CNTN5: variants seen among roughly 807,000 people sequenced by gnomAD.
CNTN5 encodes contactin 5.
A neutral mutation model predicts 129.1 loss-of-function variants in CNTN5; 77 were observed. The observed-to-expected ratio is 0.60, with a 90% CI of 0.50 to 0.72. The LOEUF (loss-of-function observed/expected upper bound fraction) is 0.72. CNTN5 is among the 30% of genes least tolerant of loss of function. CNTN5 has a pLI of 0.00. For synonymous variants in CNTN5, 509 were observed against 465.6 expected (o/e 1.09, Z -1.20); for missense variants, 1,478 against 1,328.8 (o/e 1.11, Z -1.75).
chr11:99,557,211 A>G (rs1332456377), intron 3 of CNTN5, among the ~76,000 whole-genome samples: 3 of 151,236 alleles, frequency 2.0e-5, no homozygotes, highest in East Asian at 1.9e-4. Context: ...GATATATATG[A>G]TCATTCAGTA....
chr11:99,313,478 C>T (rs753694547), intron 1 of CNTN5, among the ~76,000 whole-genome samples: 2 of 151,912 alleles, frequency 1.3e-5, no homozygotes, highest in Non-Finnish European at 2.9e-5. Context: ...TAAGAACATA[C>T]TAACATTGAA....
chr11:99,705,156 ATATTCT>A (rs571170466), intron 3 of CNTN5, among the ~76,000 whole-genome samples: 118 of 151,424 alleles, frequency 7.8e-4, no homozygotes, highest in African/African-American at 2.6e-3. Flanking sequence ...GAACACATAC[ATATTCT>A]TATTCTGTCC....
chr11:99,461,209 G>A (rs965088441), intron 2 of CNTN5, among the ~76,000 whole-genome samples: 10 of 151,970 alleles, frequency 6.6e-5, no homozygotes, highest in African/African-American at 9.7e-5. Context: ...ACTGGGATTC[G>A]GGGAAGGTAT....
intron 1 of CNTN5, among the ~76,000 whole-genome samples, chr11:99,222,591 G>A (rs1416710895): frequency 2.0e-5 from 3 of 152,016 alleles, no homozygotes; most frequent in South Asian, 2.1e-4. Flanking sequence ...AAGCAGCATA[G>A]CATTTTTCAT....
intron 13 of CNTN5, among the ~76,000 whole-genome samples, chr11:100,144,991 C>T (rs12291545): frequency 0.078 from 9,829 of 125,782 alleles, 1,058 homozygotes; most frequent in African/African-American, 0.23. Flanking sequence ...TTTATGGTAC[C>T]GACTTCACAT....
At chr11:99,934,719 T>C (rs1950268140) in intron 7 of CNTN5, among the ~76,000 whole-genome samples, 1 of 151,692 alleles carries the variant, frequency 6.6e-6, no homozygotes, top group South Asian at 2.1e-4. Flanking sequence ...ACTCTGTGTC[T>C]ACTAAAAATA....
In CNTN5 at chr11:99,987,245, A is replaced by G. The variant is rs576306533; in HGVS notation, c.878-14789A>G. Among the ~76,000 whole-genome samples, 10 of 152,228 alleles carry G rather than the reference A, an allele frequency of 6.6e-5. No individual in the cohort carries two copies. In the East Asian group the frequency reaches 1.9e-3, roughly 29 times the overall value. On this transcript the variant is annotated intron_variant, in intron 8 of 24. Coordinates refer to ENST00000524871, the MANE Select transcript of CNTN5 (RefSeq NM_014361.4). ...GACTGTGTGAGGATCCAAAGGGAAC[A>G]AAATGATGTGGTTCCTGTCCTGGTT...
chr11:100,046,353 C>T (rs1013504349), intron 9 of CNTN5, among the ~76,000 whole-genome samples: 13 of 152,142 alleles, frequency 8.5e-5, no homozygotes, highest in Non-Finnish European at 1.8e-4. Context: ...TCTCCAATCC[C>T]ATCTGCCTGT....
At chr11:99,161,280 TGA>T (rs1474220237) in intron 1 of CNTN5, among the ~76,000 whole-genome samples, 1 of 152,200 alleles carries the variant, frequency 6.6e-6, no homozygotes, top group African/African-American at 2.4e-5. Context: ...TTAATATTTT[TGA>T]GACTCTATGA....
chr11:100,083,546 T>C (rs971694663), intron 13 of CNTN5, among the ~76,000 whole-genome samples: 1 of 152,118 alleles, frequency 6.6e-6, no homozygotes, highest in African/African-American at 2.4e-5. Flanking sequence ...GTACTATCCA[T>C]ATTTCTAAGC....
intron 3 of CNTN5, among the ~76,000 whole-genome samples, chr11:99,747,849 G>A (rs1181179850): frequency 2.0e-5 from 3 of 152,014 alleles, no homozygotes; most frequent in Non-Finnish European, 4.4e-5. Context: ...GATTTGGGCT[G>A]GTCATATATG....
At chr11:99,337,212 T>C (rs1866267537) in intron 2 of CNTN5, among the ~76,000 whole-genome samples, 1 of 152,178 alleles carries the variant, frequency 6.6e-6, no homozygotes, top group African/African-American at 2.4e-5. Context: ...GAATTTAAGT[T>C]AATTTATAAA....
chr11:99,294,175 A>G (rs1016080820), intron 1 of CNTN5, among the ~76,000 whole-genome samples: 1 of 152,140 alleles, frequency 6.6e-6, no homozygotes, highest in Non-Finnish European at 1.5e-5. Flanking sequence ...TTGGTTGTAC[A>G]GGAGCATGTT....
chr11:99,235,670 C>G lies in CNTN5; in HGVS notation c.-209-89676C>G, dbSNP rs146020171. 2.2e-4 allele frequency among the ~76,000 whole-genome samples: 34 copies of G among 152,208 alleles called. 1 individual carries two copies. Among genetic ancestry groups the G allele is most frequent in the African/African-American group, 7.2e-4 (30 of 41,534 alleles). On this transcript the variant is annotated intron_variant, in intron 1 of 24. Coordinates refer to ENST00000524871, the MANE Select transcript of CNTN5 (RefSeq NM_014361.4). Reference sequence around the variant, plus strand: ...TTATTTTATCCAGATTTGGTTAGATCTGAGAATATTTTAAAATATTTGAAA... The same window carrying G: ...TTATTTTATCCAGATTTGGTTAGATGTGAGAATATTTTAAAATATTTGAAA...
chr11:99,648,579 A>G (rs1164610051), intron 3 of CNTN5, among the ~76,000 whole-genome samples: 1 of 151,898 alleles, frequency 6.6e-6, no homozygotes, highest in Non-Finnish European at 1.5e-5. Context: ...ATTTATCCAA[A>G]AGAAGTAAGT....
At chr11:99,242,190 C>T (rs561311002) in intron 1 of CNTN5, among the ~76,000 whole-genome samples, 2 of 151,968 alleles carry the variant, frequency 1.3e-5, no homozygotes, top group Non-Finnish European at 2.9e-5. Flanking sequence ...AAATAAATCA[C>T]CTGGAGTGTG....
chr11:99,340,437 G>C (rs943354463), intron 2 of CNTN5, among the ~76,000 whole-genome samples: 1 of 151,838 alleles, frequency 6.6e-6, no homozygotes, highest in Admixed American at 6.6e-5. Context: ...ATAATTAGGG[G>C]GGAAAAAAAA....
At chr11:99,272,089 G>C (rs993599813) in intron 1 of CNTN5, among the ~76,000 whole-genome samples, 6 of 151,836 alleles carry the variant, frequency 4.0e-5, no homozygotes, top group Non-Finnish European at 7.4e-5. Flanking sequence ...GCAACTTTAT[G>C]ATATAAGGGT....
intron 1 of CNTN5, among the ~76,000 whole-genome samples, chr11:99,232,011 TCTGA>T (rs1263290803): frequency 6.6e-6 from 1 of 152,194 alleles, no homozygotes; most frequent in Non-Finnish European, 1.5e-5. Flanking sequence ...GGTCTAGGTG[TCTGA>T]CTTTGTACCA....
Sources: gnomAD v4.1 joint callset for allele counts (sites outside exome capture counted in the v4.1 genomes callset) on GRCh38, gnomAD v4.1.1 for gene constraint, MANE v1.5 for transcripts, NCBI Gene and HGNC (gene_info 2026-07-23, HGNC 2026-07-21) for gene names.